The following NSUN3 variants were observed in gnomAD, a reference collection of about 807,000 sequenced individuals.
NSUN3 encodes NOP2/Sun RNA methyltransferase 3.
In NSUN3, 24 loss-of-function variants were observed where a neutral mutation model predicts 36.8. The ratio of observed to expected loss-of-function variants is 0.65; its 90% CI spans 0.47 to 0.92. The LOEUF is 0.92. Ranked by LOEUF, NSUN3 falls within the 40% of genes least tolerant of loss-of-function variation. NSUN3 has a pLI of 0.00. For synonymous variants in NSUN3, 146 were observed against 145.2 expected, an observed-to-expected ratio of 1.01 and a Z score of -0.04; for missense variants, 381 against 392.8, an observed-to-expected ratio of 0.97 and a Z score of 0.25.
chr3:94,086,596 G>A (rs1334003468), intron 3 of NSUN3, among the ~76,000 whole-genome samples: 1 of 152,152 alleles, frequency 6.6e-6, no homozygotes, highest in Non-Finnish European at 1.5e-5. Flanking sequence ...TATGAGAAAC[G>A]TGAATCCAGT....
intron 3 of NSUN3, 126 bp downstream of exon 3, chr3:94,084,576 A>T: frequency 3.0e-6 from 2 of 662,386 alleles, no homozygotes; most frequent in Non-Finnish European, 4.9e-6. Context: ...GAAAACTGAG[A>T]TGCTATGGAG....
At chr3:94,071,842 T>G (rs2077225625) in intron 2 of NSUN3, among the ~76,000 whole-genome samples, 2 of 152,152 alleles carry the variant, frequency 1.3e-5, no homozygotes, top group East Asian at 1.9e-4. Flanking sequence ...CTCTACTGCC[T>G]GCTAAGCTAC....
chr3:94,077,130 T>A, intron 2 of NSUN3: 1 of 752,486 alleles, frequency 1.3e-6, no homozygotes. Flanking sequence ...TATGGATCAC[T>A]CATTCTTCCA....
At chr3:94,104,630 G>A (rs138435629) in intron 5 of NSUN3, among the ~76,000 whole-genome samples, 27 of 152,306 alleles carry the variant, frequency 1.8e-4, no homozygotes, top group Middle Eastern at 3.4e-3. Flanking sequence ...TGAGGGGATA[G>A]CTTATTCCAT....
intron 5 of NSUN3, among the ~76,000 whole-genome samples, chr3:94,113,800 T>A (rs1407088414): frequency 6.6e-6 from 1 of 152,200 alleles, no homozygotes; most frequent in Admixed American, 6.5e-5. Flanking sequence ...ACCAAGTTAC[T>A]TGGAATAACT....
At chr3:94,070,763 C>T (rs918638144) in intron 2 of NSUN3, among the ~76,000 whole-genome samples, 2 of 152,186 alleles carry the variant, frequency 1.3e-5, no homozygotes, top group African/African-American at 4.8e-5. Context: ...TTCAAAACCT[C>T]CATATGCCAG....
At chr3:94,096,077 A>G (rs1283125496) in intron 5 of NSUN3, among the ~76,000 whole-genome samples, 1 of 152,100 alleles carries the variant, frequency 6.6e-6, no homozygotes, top group Non-Finnish European at 1.5e-5. Context: ...AAAATTATCT[A>G]TAATATTTAA....
At chr3:94,088,367 T>C (rs570569187) in intron 3 of NSUN3, among the ~76,000 whole-genome samples, 52 of 152,284 alleles carry the variant, frequency 3.4e-4, no homozygotes, top group African/African-American at 1.2e-3. Context: ...CCAACAACTT[T>C]TGTTATATCC....
At chr3:94,124,982 AGTCT>A (rs2077479528) in intron 5 of NSUN3, among the ~76,000 whole-genome samples, 1 of 152,152 alleles carries the variant, frequency 6.6e-6, no homozygotes, top group African/African-American at 2.4e-5. Flanking sequence ...ATTTTCAGTC[AGTCT>A]GTTACTGTTG....
At position 94,131,039 on chromosome 3, in the gene NSUN3, A is replaced by C. The variant is rs749443342; in HGVS notation, c.*4549A>C. Among the ~76,000 whole-genome samples, 32 of 152,014 alleles carry C rather than the reference A, an allele frequency of 2.1e-4. No individual in the cohort carries two copies. Among genetic ancestry groups the C allele is most frequent in the Non-Finnish European group, 4.0e-4 (27 of 67,962 alleles). On this transcript the variant is annotated 3_prime_UTR_variant, in exon 6 of 6. Transcript: ENST00000314622. ...GTTATCTTTTCGCCTCAGCCTCCTA[A>C]GTAGCCTGGACTACAGGCCCACAAT... is the stretch of plus-strand genomic sequence containing the variant.
At chr3:94,064,978 C>T (rs533957005) in intron 2 of NSUN3, among the ~76,000 whole-genome samples, 1 of 152,234 alleles carries the variant, frequency 6.6e-6, no homozygotes, top group South Asian at 2.1e-4. Flanking sequence ...ATATTTCTTT[C>T]CTATGTCGAT....
chr3:94,079,532 G>A (rs1397041726), intron 2 of NSUN3, among the ~76,000 whole-genome samples: 2 of 152,076 alleles, frequency 1.3e-5, no homozygotes, highest in Non-Finnish European at 2.9e-5. Context: ...TTTCCAACTT[G>A]TTTCATTCTC....
At chr3:94,077,843 G>T (rs1414151040) in intron 2 of NSUN3, among the ~76,000 whole-genome samples, 1 of 151,832 alleles carries the variant, frequency 6.6e-6, no homozygotes, top group African/African-American at 2.4e-5. Context: ...TTCTTTATTA[G>T]TCTGGCTAGC....
At chr3:94,124,148 C>CTTTTTTTTTTTTTTTTTTTTTTT (rs58987431) in intron 5 of NSUN3, among the ~76,000 whole-genome samples, 1 of 88,186 alleles carries the variant, frequency 1.1e-5, no homozygotes, top group Non-Finnish European at 2.1e-5. Context: ...TATTTTATTT[C>CTTTTTTTTTTTTTTTTTTTTTTT]TTTTTTTTTT....
intron 2 of NSUN3, chr3:94,075,863 G>A (rs2077243595): frequency 1.7e-6 from 2 of 1,170,550 alleles, no homozygotes; most frequent in Non-Finnish European, 2.5e-6. Context: ...TCAGGGTTGA[G>A]AAGAAAAAAA....
intron 3 of NSUN3, among the ~76,000 whole-genome samples, chr3:94,093,368 C>G (rs2077324344): frequency 6.6e-6 from 1 of 151,364 alleles, no homozygotes; most frequent in Middle Eastern, 3.4e-3. Flanking sequence ...TGTATTTGAG[C>G]AAAGGCTTTA....
At position 94,126,368 on chromosome 3, in the gene NSUN3, G is replaced by A. The variant is rs201283550; in HGVS notation, c.901G>A (p.Asp301Asn). 1.5e-5 allele frequency: 24 copies of A among 1,614,008 alleles called. No homozygotes were observed. The highest frequency in any genetic ancestry group is 3.3e-5 in the Admixed American group (2 of 59,992). ...IKGIARTCSH[D>N]FTFAPTGQEC... ...AGGAATAGCAAGGACTTGCTCCCACGACTTCACATTTGCTCCCACTGGCCA... is the reference window on the plus strand; with the variant it reads ...AGGAATAGCAAGGACTTGCTCCCACAACTTCACATTTGCTCCCACTGGCCA... Residue 301 changes from aspartate (D) to asparagine (N), a missense_variant, in exon 6 of 6, where the codon GAC becomes AAC. Transcript: ENST00000314622.
In NSUN3 at chr3:94,094,266, G is replaced by A. The variant is rs781342674; in HGVS notation, c.593G>A (p.Gly198Glu). Residue 198 changes from glycine to glutamate, a missense_variant, in exon 4 of 6, where the codon GGA (glycine) becomes GAA (glutamate). Transcript: ENST00000314622. ...TCTGAATTGGATGGCAGAAAAATGG[G>A]AGATGCCCAGCCTGAAATGTTTGAC... ...KVSELDGRKM[G>E]DAQPEMFDKV... is the part of the protein sequence containing the mutation. 6.2e-7 allele frequency: 1 copy of A among 1,612,738 alleles called. No individual in the cohort carries two copies. The highest frequency in any genetic ancestry group is 1.1e-5 in the South Asian group (1 of 90,616).
chr3:94,122,189 A>G (rs1403635566), intron 5 of NSUN3, among the ~76,000 whole-genome samples: 2 of 150,794 alleles, frequency 1.3e-5, no homozygotes, highest in East Asian at 3.9e-4. Context: ...AGTGACCTCC[A>G]TGGCAAAAGC....
Sources: gnomAD v4.1 joint callset for allele counts (sites outside exome capture counted in the v4.1 genomes callset) on GRCh38, gnomAD v4.1.1 for gene constraint, MANE v1.5 for transcripts, NCBI Gene and HGNC (gene_info 2026-07-23, HGNC 2026-07-21) for gene names.